The following BNC2 variants were observed in gnomAD, a reference collection of about 807,000 sequenced individuals.
BNC2 encodes the protein basonuclin zinc finger protein 2, also known as zinc finger protein basonuclin-2.
BNC2 carries 20 observed loss-of-function variants against 76.3 expected under a neutral mutation model. That is an observed-to-expected ratio of 0.26 (90% CI 0.18 to 0.38). The LOEUF (loss-of-function observed/expected upper bound fraction) is 0.38, where lower values mean the gene tolerates loss of function less well. Among genes scored for constraint, BNC2 ranks in the 10% least tolerant of loss-of-function variants. The probability of loss-of-function intolerance (pLI) is 1.00; values close to 1 mark genes in which losing one functional copy is unlikely to be tolerated. For synonymous variants in BNC2, 582 were observed against 514.8 expected (o/e 1.13, Z -1.77); for missense variants, 1,382 against 1,399.8 (o/e 0.99, Z 0.20).
intron 3 of BNC2, among the ~76,000 whole-genome samples, chr9:16,683,426 G>A (rs1254819026): frequency 2.0e-5 from 3 of 152,156 alleles, no homozygotes; most frequent in East Asian, 3.9e-4. Context: ...TGTACGGAAG[G>A]TTATTCTCAG....
intron 1 of BNC2, among the ~76,000 whole-genome samples, chr9:16,866,080 C>G (rs1819536725): frequency 2.0e-5 from 3 of 152,046 alleles, no homozygotes; most frequent in East Asian, 1.9e-4. Flanking sequence ...ATATGTTTGT[C>G]TAAAGTAATG....
chr9:16,422,100 TAAG>T (rs1820722930), intron 6 of BNC2, among the ~76,000 whole-genome samples: 2 of 152,218 alleles, frequency 1.3e-5, no homozygotes, highest in Admixed American at 1.3e-4. Flanking sequence ...ACATCTTCCC[TAAG>T]ATGACTTGTG....
chr9:16,724,278 T>G (rs1361076), intron 3 of BNC2, among the ~76,000 whole-genome samples: 134,437 of 151,814 alleles, frequency 0.89, 59,745 homozygotes, highest in Non-Finnish European at 0.92. Context: ...TATTTACTAT[T>G]CTCTCAAATG....
chr9:16,471,721 T>G (rs149156123), intron 5 of BNC2, among the ~76,000 whole-genome samples: 1 of 152,126 alleles, frequency 6.6e-6, no homozygotes, highest in African/African-American at 2.4e-5. Context: ...TGGGAAGGCA[T>G]GACTGGTTTT....
At chr9:16,433,797 T>C (rs1820950603) in intron 6 of BNC2, among the ~76,000 whole-genome samples, 1 of 152,230 alleles carries the variant, frequency 6.6e-6, no homozygotes, top group South Asian at 2.1e-4. Context: ...CAGGAATTCA[T>C]GCAATTAAGC....
At chr9:16,588,239 A>T (rs1819827240) in intron 3 of BNC2, among the ~76,000 whole-genome samples, 1 of 152,238 alleles carries the variant, frequency 6.6e-6, no homozygotes, top group Non-Finnish European at 1.5e-5. Flanking sequence ...TTATGGCCAC[A>T]AGAAACTTTC....
chr9:16,782,049 G>T (rs551180167), intron 1 of BNC2, among the ~76,000 whole-genome samples: 1 of 152,044 alleles, frequency 6.6e-6, no homozygotes, highest in African/African-American at 2.4e-5. Flanking sequence ...CACTTTGGGA[G>T]GCCGAGGGGG....
At chr9:16,789,650 C>T (rs1031262076) in intron 1 of BNC2, among the ~76,000 whole-genome samples, 6 of 152,158 alleles carry the variant, frequency 3.9e-5, no homozygotes, top group Non-Finnish European at 7.3e-5. Context: ...CCTCTTGGCT[C>T]TTACAATGCC....
intron 3 of BNC2, among the ~76,000 whole-genome samples, chr9:16,649,024 C>A (rs1821718932): frequency 1.3e-5 from 2 of 152,132 alleles, no homozygotes; most frequent in Non-Finnish European, 2.9e-5. Context: ...AAGACAAAAA[C>A]ATAGAAGAAG....
rs778852681 is a variant in BNC2 at position 16,436,103 on chromosome 9, G to T, written c.2091C>A (p.Thr697=). Residue 697 remains threonine, a synonymous_variant, in exon 6 of 7, where the codon ACC becomes ACA. Transcript: ENST00000380672. ...TTATTTCAGTCCTTGAAATGCACCG[G>T]GTCCTGTTATGCTTAGAAAAGTCCT... ...SVKDFSKHNR[T]RCISRTEIRR... 33 of 1,613,966 alleles carry T rather than the reference G, an allele frequency of 2.0e-5. No individual in the cohort carries two copies. In the East Asian group the frequency reaches 3.8e-4, roughly 19 times the overall value.
intron 5 of BNC2, among the ~76,000 whole-genome samples, chr9:16,463,930 T>G (rs563316136): frequency 6.6e-6 from 1 of 151,820 alleles, no homozygotes; most frequent in East Asian, 2.0e-4. Flanking sequence ...ACCTTGTCTC[T>G]ACTTAAAATA....
At chr9:16,460,519 G>T (rs1297774372) in intron 5 of BNC2, among the ~76,000 whole-genome samples, 2 of 151,968 alleles carry the variant, frequency 1.3e-5, no homozygotes, top group Non-Finnish European at 2.9e-5. Flanking sequence ...GTTACTCAGG[G>T]GGTGGAGACA....
intron 5 of BNC2, among the ~76,000 whole-genome samples, chr9:16,516,028 G>C (rs1927628): frequency 0.087 from 13,252 of 151,690 alleles, 1,871 homozygotes; most frequent in African/African-American, 0.3. Flanking sequence ...CCTTAAGTAA[G>C]AGACTGTAGC....
At chr9:16,728,119 G>T in intron 2 of BNC2, 122 bp from the exon 3 acceptor site, 13 of 672,548 alleles carry the variant, frequency 1.9e-5, no homozygotes, top group South Asian at 1.4e-4. Context: ...GGGAGGGAGG[G>T]GGTCAGAGCT....
At position 16,817,654 on chromosome 9, in the gene BNC2, C is replaced by G. The variant is rs911845567; in HGVS notation, c.3+52992G>C. Reference sequence around the variant, plus strand: ...AATACTCCTTCATTCCTCTCCCTTGCCAGAGTATGGTTTAACGTGCCTTAA... The same window carrying G: ...AATACTCCTTCATTCCTCTCCCTTGGCAGAGTATGGTTTAACGTGCCTTAA... On this transcript the variant is annotated intron_variant, in intron 1 of 6. Transcript: ENST00000380672. Among the ~76,000 whole-genome samples the G allele has an allele frequency of 3.3e-5, 5 of 152,218 alleles. 1 individual carries two copies. The East Asian group carries it at 9.7e-4, about 29-fold the overall frequency.
intron 3 of BNC2, among the ~76,000 whole-genome samples, chr9:16,719,667 A>G (rs1176845935): frequency 6.6e-6 from 1 of 152,228 alleles, no homozygotes; most frequent in East Asian, 1.9e-4. Context: ...AATTTTAACA[A>G]TCTGTATGCC....
chr9:16,448,374 A>C (rs983403952), intron 5 of BNC2, among the ~76,000 whole-genome samples: 12 of 152,176 alleles, frequency 7.9e-5, no homozygotes, highest in Admixed American at 3.3e-4. Context: ...TTACACATCA[A>C]GTAAGGGCCA....
intron 5 of BNC2, among the ~76,000 whole-genome samples, chr9:16,456,974 A>G (rs1243591898): frequency 6.6e-6 from 1 of 152,208 alleles, no homozygotes; most frequent in African/African-American, 2.4e-5. Flanking sequence ...TCAATAGTAG[A>G]AAGCAGGGAA....
intron 5 of BNC2, among the ~76,000 whole-genome samples, chr9:16,498,264 T>C (rs1258351855): frequency 7.2e-6 from 1 of 138,270 alleles, no homozygotes; most frequent in African/African-American, 2.9e-5. Flanking sequence ...TTCCATCATA[T>C]ATATATTCCA....
Sources: gnomAD v4.1 joint callset for allele counts (sites outside exome capture counted in the v4.1 genomes callset) on GRCh38, gnomAD v4.1.1 for gene constraint, MANE v1.5 for transcripts, NCBI Gene and HGNC (gene_info 2026-07-23, HGNC 2026-07-21) for gene names.